PTPRD: variants seen among roughly 807,000 people sequenced by gnomAD.
The protein encoded by PTPRD is receptor-type tyrosine-protein phosphatase delta.
PTPRD carries 34 observed loss-of-function variants against 214.5 expected under a neutral mutation model. That is an observed-to-expected ratio of 0.16 (90% CI 0.12 to 0.21). The LOEUF is 0.21. Among genes scored for constraint, PTPRD ranks in the 10% least tolerant of loss-of-function variants. PTPRD has a pLI of 1.00. For missense variants in PTPRD, 2,545 were observed against 2,398.7 expected (o/e 1.06, Z -1.27); for synonymous variants, 1,128 against 845.7 (o/e 1.33, Z -5.79).
At position 8,431,127 on chromosome 9, in the gene PTPRD, G is replaced by A. The variant is rs77281222; in HGVS notation, c.4086+5465C>T. Reference sequence around the variant, plus strand: ...GTATGAGTGGACTGTTAGCAGTTACGTCCCAATGTGTGTCACCACAACAAA... The same window carrying A: ...GTATGAGTGGACTGTTAGCAGTTACATCCCAATGTGTGTCACCACAACAAA... On this transcript the variant is annotated intron_variant, in intron 35 of 45. Coordinates refer to ENST00000381196, the MANE Select transcript of PTPRD (RefSeq NM_002839.4). Among the ~76,000 whole-genome samples, 55 of 152,254 alleles carry A rather than the reference G, an allele frequency of 3.6e-4. 1 individual carries two copies. In the East Asian group the frequency reaches 0.01, roughly 29 times the overall value.
chr9:9,350,425 G>A (rs1399234591), intron 9 of PTPRD, among the ~76,000 whole-genome samples: 2 of 151,980 alleles, frequency 1.3e-5, no homozygotes, highest in Non-Finnish European at 2.9e-5. Context: ...CTTTTGTACT[G>A]TATCAACTCC....
At chr9:9,857,146 G>C (rs542938752) in intron 5 of PTPRD, among the ~76,000 whole-genome samples, 1 of 152,260 alleles carries the variant, frequency 6.6e-6, no homozygotes, top group South Asian at 2.1e-4. Flanking sequence ...CATTTGCCTA[G>C]TTGTTACTAT....
chr9:9,727,504 T>C (rs1232718945), intron 7 of PTPRD, among the ~76,000 whole-genome samples: 1 of 152,116 alleles, frequency 6.6e-6, no homozygotes, highest in African/African-American at 2.4e-5. Context: ...ATATTTTATG[T>C]CAGATGAGAG....
chr9:10,185,617 C>T (rs1000616885), intron 3 of PTPRD, among the ~76,000 whole-genome samples: 17 of 152,074 alleles, frequency 1.1e-4, no homozygotes, highest in African/African-American at 3.6e-4. Flanking sequence ...TGCAAGACAA[C>T]GGTTAGAACA....
At chr9:9,301,587 T>A (rs1353784014) in intron 9 of PTPRD, among the ~76,000 whole-genome samples, 1 of 151,914 alleles carries the variant, frequency 6.6e-6, no homozygotes, top group Non-Finnish European at 1.5e-5. Context: ...AATCTCGAGT[T>A]CATCATTTTA....
intron 5 of PTPRD, among the ~76,000 whole-genome samples, chr9:9,796,339 T>A (rs554447807): frequency 1.3e-5 from 2 of 152,230 alleles, no homozygotes; most frequent in South Asian, 4.1e-4. Context: ...TGAAAAGGAT[T>A]CAAGGTTTGC....
chr9:8,459,949 A>G (rs2096342878), intron 33 of PTPRD, among the ~76,000 whole-genome samples: 1 of 152,138 alleles, frequency 6.6e-6, no homozygotes, highest in African/African-American at 2.4e-5. Flanking sequence ...AAATTTTGAG[A>G]AATAGCTACA....
In PTPRD at chr9:8,331,608, T is replaced by C. The variant is rs1469005134; in HGVS notation, c.5508A>G (p.Gln1836=). The C allele has an allele frequency of 2.7e-6, 4 of 1,502,716 alleles. No homozygotes were observed. Among genetic ancestry groups the C allele is most frequent in the African/African-American group, 4.2e-5 (2 of 47,096 alleles). The allele number at this position is 1,502,716 out of a possible 1,614,324, so 93.1% of individuals were successfully genotyped here. ...TGCAATGGACTGAAATGGGTCCATC[T>C]TGGCCAAACTGTTCTTTTGTTTTAT... ...QVHKTKEQFG[Q]DGPISVHCSA... Residue 1836 remains glutamine, a synonymous_variant, in exon 44 of 46, where the codon CAA becomes CAG. Transcript: ENST00000381196.
intron 9 of PTPRD, among the ~76,000 whole-genome samples, chr9:9,249,628 G>A (rs529436360): frequency 6.6e-6 from 1 of 151,798 alleles, no homozygotes; most frequent in South Asian, 2.1e-4. Flanking sequence ...TCTTTCTCTT[G>A]GGTTGTCCAA....
chr9:9,363,459 A>G (rs973215898), intron 9 of PTPRD, among the ~76,000 whole-genome samples: 3 of 151,414 alleles, frequency 2.0e-5, no homozygotes, highest in Non-Finnish European at 4.4e-5. Context: ...ATATTTTGCT[A>G]TGAGTTGTAG....
At position 9,190,948 on chromosome 9, in the gene PTPRD, G is replaced by A. The variant is rs377382236; in HGVS notation, c.-202-7585C>T. Reference sequence around the variant, plus strand: ...GAAGGCTGAACCATAGAGTTCAGATGTTGAACTGTCACATATAGCTTCAAA... The same window carrying A: ...GAAGGCTGAACCATAGAGTTCAGATATTGAACTGTCACATATAGCTTCAAA... On this transcript the variant is annotated intron_variant, in intron 9 of 45. Transcript: ENST00000381196. Among the ~76,000 whole-genome samples the A allele has an allele frequency of 1.7e-4, 26 of 152,180 alleles. No homozygotes were observed. The East Asian group carries it at 4.5e-3, about 26-fold the overall frequency.
intron 11 of PTPRD, among the ~76,000 whole-genome samples, chr9:8,904,182 G>T (rs990753433): frequency 1.4e-4 from 21 of 151,950 alleles, no homozygotes; most frequent in Admixed American, 1.3e-3. Context: ...TTTAGTCATC[G>T]TGGCACTTTA....
chr9:10,535,279 T>C (rs2057487303), intron 2 of PTPRD, among the ~76,000 whole-genome samples: 1 of 152,190 alleles, frequency 6.6e-6, no homozygotes, highest in Non-Finnish European at 1.5e-5. Flanking sequence ...AAAGTCCAAA[T>C]GTTATTTTGT....
chr9:8,808,840 A>G (rs1054013640), intron 11 of PTPRD, among the ~76,000 whole-genome samples: 7 of 152,096 alleles, frequency 4.6e-5, no homozygotes, highest in Non-Finnish European at 1.0e-4. Flanking sequence ...GGTGTCCCGA[A>G]ATATACATTT....
intron 10 of PTPRD, among the ~76,000 whole-genome samples, chr9:9,166,570 C>T (rs1370275542): frequency 6.6e-6 from 1 of 152,142 alleles, no homozygotes; most frequent in African/African-American, 2.4e-5. Context: ...CTAGAGATGC[C>T]ATTAACATTC....
intron 9 of PTPRD, among the ~76,000 whole-genome samples, chr9:9,306,931 G>A (rs1353941106): frequency 2.0e-5 from 3 of 152,140 alleles, no homozygotes; most frequent in Non-Finnish European, 4.4e-5. Flanking sequence ...TTAAGAAACT[G>A]AAGTCTAGGA....
chr9:8,889,716 G>T (rs1014306546), intron 11 of PTPRD, among the ~76,000 whole-genome samples: 3 of 143,846 alleles, frequency 2.1e-5, no homozygotes, highest in Non-Finnish European at 3.0e-5. Context: ...TAAGATATTT[G>T]GTTTCCCATT....
intron 13 of PTPRD, among the ~76,000 whole-genome samples, chr9:8,636,334 A>C (rs1439989386): frequency 1.3e-5 from 2 of 152,186 alleles, no homozygotes; most frequent in Non-Finnish European, 2.9e-5. Flanking sequence ...TCAGGGATGC[A>C]CAAGTAACGT....
At chr9:10,361,209 T>G (rs76800306) in intron 2 of PTPRD, among the ~76,000 whole-genome samples, 3,690 of 152,314 alleles carry the variant, frequency 0.024, 158 homozygotes, top group African/African-American at 0.084. Context: ...TTCTATATTG[T>G]ATGGCTTAAC....
Sources: allele counts gnomAD v4.1 joint callset (sites outside exome capture counted in the v4.1 genomes callset), GRCh38; gene constraint gnomAD v4.1.1; transcripts MANE v1.5; gene names NCBI Gene and HGNC (gene_info 2026-07-23, HGNC 2026-07-21).